POLR3B: variants seen among roughly 807,000 people sequenced by gnomAD.
POLR3B encodes the protein DNA-directed RNA polymerase III subunit RPC2.
In POLR3B, 96 loss-of-function variants were observed where a neutral mutation model predicts 147.4. The observed-to-expected ratio is 0.65, with a 90% confidence interval of 0.55 to 0.77. The LOEUF is 0.77. Ranked by LOEUF, POLR3B falls within the 30% of genes least tolerant of loss-of-function variation. The pLI is 0.00. For synonymous variants in POLR3B, 461 were observed against 485.9 expected, an observed-to-expected ratio of 0.95 and a Z score of 0.67; for missense variants, 1,036 against 1,413.5, an observed-to-expected ratio of 0.73 and a Z score of 4.28.
intron 23 of POLR3B, among the ~76,000 whole-genome samples, chr12:106,466,513 C>T (rs893476684): frequency 2.6e-5 from 4 of 152,164 alleles, no homozygotes; most frequent in South Asian, 2.1e-4. Context: ...GTGTTTTAGA[C>T]ATGAAGTCTG....
At chr12:106,491,768 C>T (rs377153764) in intron 23 of POLR3B, among the ~76,000 whole-genome samples, 1 of 152,102 alleles carries the variant, frequency 6.6e-6, no homozygotes, top group Non-Finnish European at 1.5e-5. Context: ...AAGCTACCTC[C>T]GCCTATCTGG....
chr12:106,371,266 A>G (rs1290799714), intron 6 of POLR3B, among the ~76,000 whole-genome samples: 1 of 152,206 alleles, frequency 6.6e-6, no homozygotes, highest in Non-Finnish European at 1.5e-5. Flanking sequence ...TTAGAATGGC[A>G]ATCATTAAAA....
intron 23 of POLR3B, among the ~76,000 whole-genome samples, chr12:106,476,733 C>T (rs2038176412): frequency 6.6e-6 from 1 of 151,532 alleles, no homozygotes; most frequent in Admixed American, 6.6e-5. Context: ...CCTTTAAGCA[C>T]TTCTCTGTAT....
chr12:106,488,237 G>A lies in POLR3B; in HGVS notation c.2714-7818G>A, dbSNP rs1436659732. 2.6e-5 allele frequency among the ~76,000 whole-genome samples: 4 copies of A among 152,158 alleles called. 1 individual carries two copies. In the South Asian group the frequency reaches 6.2e-4, roughly 24 times the overall value. On this transcript the variant is annotated intron_variant, in intron 23 of 27. Coordinates refer to ENST00000228347, the MANE Select transcript of POLR3B (RefSeq NM_018082.6). ...TACAACCTTCCTTTGGGCATTGTGAGGTCAGTTATATATCTTATCAGTAAA... is the reference window on the plus strand; with the variant it reads ...TACAACCTTCCTTTGGGCATTGTGAAGTCAGTTATATATCTTATCAGTAAA...
chr12:106,467,647 G>A (rs1176969526), intron 23 of POLR3B, among the ~76,000 whole-genome samples: 1 of 152,146 alleles, frequency 6.6e-6, no homozygotes, highest in African/African-American at 2.4e-5. Flanking sequence ...GGTTTATTGA[G>A]AGTTTTCAGC....
At chr12:106,418,188 G>C (rs1239239915) in intron 12 of POLR3B, among the ~76,000 whole-genome samples, 1 of 152,138 alleles carries the variant, frequency 6.6e-6, no homozygotes, top group Non-Finnish European at 1.5e-5. Flanking sequence ...CCGATTTCAG[G>C]CTTAATCTTT....
At chr12:106,413,814 T>A (rs1026167906) in intron 12 of POLR3B, among the ~76,000 whole-genome samples, 2 of 152,082 alleles carry the variant, frequency 1.3e-5, no homozygotes, top group African/African-American at 4.8e-5. Flanking sequence ...CTGCATTCTG[T>A]GCGATTGTTT....
chr12:106,433,195 T>C (rs967081605), intron 15 of POLR3B, among the ~76,000 whole-genome samples: 5 of 152,218 alleles, frequency 3.3e-5, no homozygotes, highest in African/African-American at 1.2e-4. Flanking sequence ...GTTCATTGTA[T>C]CCCAGAGGCT....
rs2137039448 is a variant in POLR3B at position 106,466,070 on chromosome 12, CAGTG to C, written c.2713+2451_2713+2454del. Among the ~76,000 whole-genome samples, 2 of 152,310 alleles carry C rather than the reference CAGTG, an allele frequency of 1.3e-5. 1 individual carries two copies. The highest frequency in any genetic ancestry group is 4.2e-4 in the South Asian group (2 of 4,814). The stretch of plus-strand genomic sequence containing the variant: ...CTGAACTAATTTACACTCCCACCAA[CAGTG>C]TAAAAGTGTTCCTATTTTTCTATAA... On this transcript the variant is annotated intron_variant, in intron 23 of 27. Coordinates refer to ENST00000228347, the MANE Select transcript of POLR3B (RefSeq NM_018082.6).
Position 106,501,444 on chromosome 12 carries a change from A to G in POLR3B, c.3098+8A>G, listed in dbSNP as rs753390602. 5.7e-5 allele frequency: 86 copies of G among 1,502,894 alleles called. No homozygotes were observed. In the Admixed American group the frequency reaches 1.4e-3, roughly 24 times the overall value. 93.1% of individuals were successfully genotyped at this position (1,502,894 alleles called of 1,614,324 possible). On this transcript the variant is annotated splice_region_variant and intron_variant, in intron 26 of 27. Coordinates refer to ENST00000228347, the MANE Select transcript of POLR3B (RefSeq NM_018082.6). ...ACGAGCCGTCCTTACCAGGTAAGAG[A>G]AAAGTACTTACAAAAAGAATTGATA... is the stretch of plus-strand genomic sequence containing the variant.
At position 106,448,296 on chromosome 12, in the gene POLR3B, G is replaced by C. The variant is rs2037749426; in HGVS notation, c.2083+3706G>C. On this transcript the variant is annotated intron_variant, in intron 19 of 27. Coordinates refer to ENST00000228347, the MANE Select transcript of POLR3B (RefSeq NM_018082.6). Reference sequence around the variant, plus strand: ...TACACTAAGTTTAGTATGTAGGTTTGAGTGGGAGGTAGAATGGATAATATT... The same window carrying C: ...TACACTAAGTTTAGTATGTAGGTTTCAGTGGGAGGTAGAATGGATAATATT... Among the ~76,000 whole-genome samples the C allele has an allele frequency of 3.3e-5, 5 of 151,880 alleles. No individual in the cohort carries two copies. In the South Asian group the frequency reaches 1.0e-3, roughly 32 times the overall value.
At chr12:106,383,319 G>A (rs2264812) in intron 9 of POLR3B, among the ~76,000 whole-genome samples, 1 of 152,142 alleles carries the variant, frequency 6.6e-6, no homozygotes, top group Non-Finnish European at 1.5e-5. Context: ...AATAGCACTT[G>A]TGATTTCCTT....
intron 27 of POLR3B, chr12:106,507,556 TA>T (rs780847845): frequency 3.7e-6 from 1 of 269,086 alleles, no homozygotes; most frequent in Non-Finnish European, 7.3e-6. Context: ...CCAAGCACAT[TA>T]AAAACGTAAT....
intron 14 of POLR3B, among the ~76,000 whole-genome samples, chr12:106,431,621 CA>C (rs2037511621): frequency 6.6e-6 from 1 of 152,302 alleles, no homozygotes; most frequent in Non-Finnish European, 1.5e-5. Context: ...AGATTTTCCA[CA>C]ATCTTTCATC....
chr12:106,432,816 A>C (rs1398429396), intron 15 of POLR3B, among the ~76,000 whole-genome samples: 1 of 152,208 alleles, frequency 6.6e-6, no homozygotes, highest in Non-Finnish European at 1.5e-5. Flanking sequence ...TTCTGCAAAA[A>C]TTATCAGATC....
intron 18 of POLR3B, among the ~76,000 whole-genome samples, chr12:106,440,660 G>C (rs942461002): frequency 6.6e-6 from 1 of 151,398 alleles, no homozygotes; most frequent in African/African-American, 2.4e-5. Flanking sequence ...TCACCTTCTC[G>C]TGAGATTTTT....
At chr12:106,381,983 G>A (rs2036769794) in intron 9 of POLR3B, 1 of 152,236 alleles carries the variant, frequency 6.6e-6, no homozygotes, top group Admixed American at 6.5e-5. Flanking sequence ...AACTGTCACT[G>A]CGCTAGTAGG....
At chr12:106,468,478 C>A (rs1180719794) in intron 23 of POLR3B, among the ~76,000 whole-genome samples, 1 of 152,084 alleles carries the variant, frequency 6.6e-6, no homozygotes, top group Admixed American at 6.6e-5. Flanking sequence ...TTAGTTATTT[C>A]TTCTAGCTTT....
intron 1 of POLR3B, among the ~76,000 whole-genome samples, chr12:106,358,841 A>G (rs983738781): frequency 6.6e-6 from 1 of 152,240 alleles, no homozygotes; most frequent in Non-Finnish European, 1.5e-5. Context: ...TTCAATAAAC[A>G]TCTGACAGAG....
Sources: allele counts gnomAD v4.1 joint callset (sites outside exome capture counted in the v4.1 genomes callset), GRCh38; gene constraint gnomAD v4.1.1; transcripts MANE v1.5; gene names NCBI Gene and HGNC (gene_info 2026-07-23, HGNC 2026-07-21).